The following VPS54 variants were observed in gnomAD, a reference collection of about 807,000 sequenced individuals.
VPS54 encodes the protein VPS54 subunit of GARP complex, also known as vacuolar protein sorting-associated protein 54.
A neutral mutation model predicts 121.5 loss-of-function variants in VPS54; 45 were observed. The ratio of observed to expected loss-of-function variants is 0.37; its 90% CI spans 0.29 to 0.47. The LOEUF (loss-of-function observed/expected upper bound fraction) is 0.47. Ranked by LOEUF, VPS54 falls within the 20% of genes least tolerant of loss-of-function variation. The probability of loss-of-function intolerance (pLI) is 0.99; values close to 1 mark genes in which losing one functional copy is unlikely to be tolerated. For missense variants in VPS54, 1,090 were observed against 1,131.4 expected, an observed-to-expected ratio of 0.96 and a Z score of 0.52; for synonymous variants, 371 against 385.8, an observed-to-expected ratio of 0.96 and a Z score of 0.45.
chr2:64,006,058 A>C (rs751158541), intron 1 of VPS54, among the ~76,000 whole-genome samples: 1 of 152,226 alleles, frequency 6.6e-6, no homozygotes, highest in Non-Finnish European at 1.5e-5. Flanking sequence ...GACTAAAATA[A>C]ATTATGTGAT....
chr2:64,009,048 TTTCTGA>T (rs1295361390), intron 1 of VPS54, among the ~76,000 whole-genome samples: 3 of 152,176 alleles, frequency 2.0e-5, no homozygotes, highest in African/African-American at 4.8e-5. Context: ...GAATTCAGAT[TTTCTGA>T]TTCTAAGTTT....
chr2:63,944,466 C>G (rs544082600), intron 10 of VPS54, 134 bp downstream of exon 10: 3 of 838,688 alleles, frequency 3.6e-6, no homozygotes, highest in African/African-American at 1.7e-5. Context: ...TCCACACTGT[C>G]ACTTGTGATT....
At chr2:63,927,149 G>T (rs1206784676) in intron 12 of VPS54, among the ~76,000 whole-genome samples, 1 of 152,190 alleles carries the variant, frequency 6.6e-6, no homozygotes, top group Non-Finnish European at 1.5e-5. Flanking sequence ...TCTGAAGAGA[G>T]CTGTGGTTCT....
chr2:64,004,248 A>G (rs1377822771), intron 1 of VPS54, among the ~76,000 whole-genome samples: 1 of 152,224 alleles, frequency 6.6e-6, no homozygotes, highest in Non-Finnish European at 1.5e-5. Flanking sequence ...CCAGTAATAA[A>G]TATAAAAGGA....
At chr2:63,964,896 A>G (rs1675920968) in intron 6 of VPS54, among the ~76,000 whole-genome samples, 1 of 152,208 alleles carries the variant, frequency 6.6e-6, no homozygotes, top group Non-Finnish European at 1.5e-5. Context: ...CTAAGAAAGA[A>G]CAGAGATCAA....
At chr2:63,939,486 T>C (rs764515047) in intron 11 of VPS54, among the ~76,000 whole-genome samples, 23 of 152,320 alleles carry the variant, frequency 1.5e-4, no homozygotes, top group Middle Eastern at 6.8e-3. Context: ...TTAACCCTGG[T>C]AAATCAAACA....
At chr2:63,963,864 T>C (rs757312925) in intron 6 of VPS54, among the ~76,000 whole-genome samples, 1 of 152,178 alleles carries the variant, frequency 6.6e-6, no homozygotes, top group Non-Finnish European at 1.5e-5. Flanking sequence ...ATTTATATGC[T>C]GCTGCCAATC....
chr2:63,920,117 T>A, intron 14 of VPS54, 122 bp from the exon 15 acceptor site: 1 of 723,494 alleles, frequency 1.4e-6, no homozygotes, highest in Non-Finnish European at 2.2e-6. Flanking sequence ...CTGAACACTT[T>A]AATAAGCAGG....
At chr2:63,897,768 T>A (rs1672506400) in intron 21 of VPS54, among the ~76,000 whole-genome samples, 178 bp from the exon 22 acceptor site, 1 of 152,182 alleles carries the variant, frequency 6.6e-6, no homozygotes, top group Non-Finnish European at 1.5e-5. Flanking sequence ...TTCTCCTTAG[T>A]TGGAAAAACC....
intron 2 of VPS54, among the ~76,000 whole-genome samples, chr2:63,982,835 C>G (rs1676861276): frequency 6.6e-6 from 1 of 152,142 alleles, no homozygotes; most frequent in Admixed American, 6.5e-5. Flanking sequence ...AGAGCTGAAA[C>G]AAAAAGGCAG....
Position 63,981,736 on chromosome 2 carries a change from C to A in VPS54, c.288G>T (p.Leu96Phe). ...GTATGACTTCAGTGTCCACAAAGTC[C>A]AATCCCCATGTTTTTGTGAAGAAGT... is the stretch of plus-strand genomic sequence containing the variant. Reference protein sequence around the residue: ...ESDFFTKTWGLDFVDTEVIPS... With the variant: ...ESDFFTKTWGFDFVDTEVIPS... The change falls in exon 3 of 23, where the codon TTG becomes TTT. Residue 96 changes from leucine (L) to phenylalanine (F), a missense_variant. Leu to Phe is a conservative substitution (Grantham distance 22). This residue lies in a region of VPS54 where 801 missense variants were observed against 757.0 expected (regional missense o/e 1.06). Coordinates refer to ENST00000272322, the MANE Select transcript of VPS54 (RefSeq NM_016516.3). 2 of 1,613,704 alleles carry A rather than the reference C, an allele frequency of 1.2e-6. No homozygotes were observed. Among genetic ancestry groups the A allele is most frequent in the Non-Finnish European group, 1.7e-6 (2 of 1,179,764 alleles).
intron 1 of VPS54, among the ~76,000 whole-genome samples, chr2:64,010,279 C>A (rs1678370041): frequency 6.6e-6 from 1 of 152,032 alleles, no homozygotes; most frequent in Admixed American, 6.6e-5. Context: ...CAATTTTGGA[C>A]CTAATTTTTT....
intron 5 of VPS54, among the ~76,000 whole-genome samples, chr2:63,966,176 A>T (rs1559026828): frequency 6.6e-6 from 1 of 152,178 alleles, no homozygotes; most frequent in Admixed American, 6.5e-5. Flanking sequence ...AAAGATACAA[A>T]ATGTTTTTTG....
chr2:63,898,290 G>A (rs1672527813), intron 21 of VPS54, among the ~76,000 whole-genome samples: 1 of 152,108 alleles, frequency 6.6e-6, no homozygotes, highest in Non-Finnish European at 1.5e-5. Context: ...AAATCCAGAA[G>A]GTTAGAATGT....
At chr2:63,948,700 C>G (rs926500030) in intron 8 of VPS54, among the ~76,000 whole-genome samples, 3 of 152,118 alleles carry the variant, frequency 2.0e-5, no homozygotes, top group Non-Finnish European at 4.4e-5. Flanking sequence ...ATGCGCCCAA[C>G]TATGATCACT....
chr2:63,974,730 A>G (rs1226419877), intron 3 of VPS54, among the ~76,000 whole-genome samples: 1 of 152,126 alleles, frequency 6.6e-6, no homozygotes, highest in Non-Finnish European at 1.5e-5. Context: ...TCAAATTCCA[A>G]TTGTTCATTG....
chr2:63,930,532 T>G (rs1243472666), intron 12 of VPS54, among the ~76,000 whole-genome samples: 1 of 152,100 alleles, frequency 6.6e-6, no homozygotes, highest in Non-Finnish European at 1.5e-5. Flanking sequence ...TAAGAGCTAT[T>G]TATGACAAAC....
chr2:64,000,169 C>T (rs1339822318), intron 1 of VPS54, among the ~76,000 whole-genome samples: 1 of 152,128 alleles, frequency 6.6e-6, no homozygotes, highest in African/African-American at 2.4e-5. Flanking sequence ...CGATCAACTG[C>T]TTTTAAGCCA....
At chr2:64,011,051 T>C (rs576510118) in intron 1 of VPS54, among the ~76,000 whole-genome samples, 3 of 152,346 alleles carry the variant, frequency 2.0e-5, no homozygotes, top group Admixed American at 6.5e-5. Flanking sequence ...AGAAATAATA[T>C]TGACTAGGAG....
Sources: allele counts gnomAD v4.1 joint callset (sites outside exome capture counted in the v4.1 genomes callset), GRCh38; gene constraint gnomAD v4.1.1; regional missense constraint gnomAD v4.1.1; transcripts MANE v1.5; gene names NCBI Gene and HGNC (gene_info 2026-07-23, HGNC 2026-07-21).